NINL: variants seen among roughly 807,000 people sequenced by gnomAD.
NINL encodes the protein ninein like, also known as ninein-like protein.
A neutral mutation model predicts 160.3 loss-of-function variants in NINL; 153 were observed. The observed-to-expected ratio is 0.95, with a 90% CI of 0.84 to 1.09. NINL has a LOEUF of 1.09. Among genes scored for constraint, NINL ranks in the 50% least tolerant of loss-of-function variants. NINL has a pLI of 0.00. For missense variants in NINL, 1,829 were observed against 1,764.0 expected (o/e 1.04, Z -0.66); for synonymous variants, 800 against 734.8 (o/e 1.09, Z -1.43).
intron 12 of NINL, 42 bp downstream of exon 12, chr20:25,489,833 G>C: frequency 6.4e-7 from 1 of 1,557,500 alleles, no homozygotes; most frequent in Non-Finnish European, 8.9e-7. Context: ...CTGCCCAGCA[G>C]GCCCTCCCCT....
At chr20:25,455,603 G>T in intron 23 of NINL, 70 bp downstream of exon 23, 3 of 1,105,044 alleles carry the variant, frequency 2.7e-6, no homozygotes, top group Non-Finnish European at 4.1e-6. Flanking sequence ...TTAGCTACCT[G>T]CACACCCATA....
intron 7 of NINL, among the ~76,000 whole-genome samples, chr20:25,502,975 C>T (rs937970425): frequency 3.3e-5 from 5 of 152,232 alleles, no homozygotes; most frequent in African/African-American, 1.2e-4. Context: ...AGAAACATTG[C>T]CCTCACCATT....
At chr20:25,529,640 C>G (rs537863227) in intron 1 of NINL, among the ~76,000 whole-genome samples, 41 of 152,162 alleles carry the variant, frequency 2.7e-4, no homozygotes, top group African/African-American at 8.4e-4. Flanking sequence ...GGAAAGCAAA[C>G]TAAGCCTGGG....
At chr20:25,558,838 A>G (rs985259278) in intron 1 of NINL, among the ~76,000 whole-genome samples, 10 of 152,344 alleles carry the variant, frequency 6.6e-5, no homozygotes, top group Non-Finnish European at 8.8e-5. Flanking sequence ...CAGAGCAGTA[A>G]AAAGCGGAGA....
Position 25,480,223 on chromosome 20 carries a change from C to T in NINL, c.1855G>A (p.Glu619Lys), listed in dbSNP as rs200438908. 2 of 1,613,966 alleles carry T rather than the reference C, an allele frequency of 1.2e-6. No homozygotes were observed. Among genetic ancestry groups the T allele is most frequent in the Non-Finnish European group, 1.7e-6 (2 of 1,180,034 alleles). ...TCCTTTACCTGCTCCATCATCAGCTCCGTTTCTATACTCACTGGAGCAGAA... is the reference window on the plus strand; with the variant it reads ...TCCTTTACCTGCTCCATCATCAGCTTCGTTTCTATACTCACTGGAGCAGAA... ...GNSAPVSIET[E>K]LMMEQVKEHY... The change falls in exon 15 of 24, where the codon GAG becomes AAG. Residue 619 changes from glutamate to lysine, a missense_variant. Transcript: ENST00000278886.
chr20:25,513,981 T>A (rs1459975508), intron 3 of NINL, among the ~76,000 whole-genome samples: 3 of 151,990 alleles, frequency 2.0e-5, no homozygotes, highest in East Asian at 1.9e-4. Context: ...GCACCAGGAG[T>A]GGAGCATTGC....
chr20:25,499,310 C>T (rs2063821707), intron 8 of NINL: 1 of 869,252 alleles, frequency 1.2e-6, no homozygotes, highest in Admixed American at 6.2e-5. Flanking sequence ...GTCAGAAATG[C>T]TGACTGAGTT....
chr20:25,570,254 C>A (rs912877121), intron 1 of NINL, among the ~76,000 whole-genome samples: 1 of 152,074 alleles, frequency 6.6e-6, no homozygotes, highest in Non-Finnish European at 1.5e-5. Context: ...TGTGTCCTTG[C>A]CCAAACCTCA....
At position 25,452,881 on chromosome 20, in the gene NINL, T is replaced by C. The variant is rs2090567461; in HGVS notation, c.*570A>G. The stretch of plus-strand genomic sequence containing the variant: ...TTTCAATGGGAAAAAGATTGTGCAT[T>C]TGCAATAAACACCATCATTCCTGAG... On this transcript the variant is annotated 3_prime_UTR_variant, in exon 24 of 24. Transcript: ENST00000278886. 6.6e-6 allele frequency: 1 copy of C among 152,522 alleles called. No homozygotes were observed. Among genetic ancestry groups the C allele is most frequent in the Non-Finnish European group, 1.5e-5 (1 of 68,016 alleles). 9.4% of individuals were successfully genotyped at this position (152,522 alleles called of 1,614,324 possible). A position where few individuals can be genotyped will look rare whatever the true frequency, so the allele number is the denominator to read the frequency against.
At chr20:25,550,932 G>A (rs923100502) in intron 1 of NINL, among the ~76,000 whole-genome samples, 3 of 152,092 alleles carry the variant, frequency 2.0e-5, no homozygotes, top group Non-Finnish European at 2.9e-5. Flanking sequence ...GCTGGGGGAC[G>A]GTAAGGTCTT....
chr20:25,515,678 T>A (rs1365730733), intron 3 of NINL, among the ~76,000 whole-genome samples: 1 of 152,178 alleles, frequency 6.6e-6, no homozygotes, highest in African/African-American at 2.4e-5. Context: ...AGGAGGTGAT[T>A]GAATCATGGA....
chr20:25,524,904 A>AATATATATATATATAT lies in NINL; in HGVS notation c.180+1488_180+1503dup, dbSNP rs35820142. 3.4e-5 allele frequency among the ~76,000 whole-genome samples: 5 copies of AATATATATATATATAT among 145,448 alleles called. No individual in the cohort carries two copies. The South Asian group carries it at 1.1e-3, about 31-fold the overall frequency. On this transcript the variant is annotated intron_variant, in intron 2 of 23. Transcript: ENST00000278886. The stretch of plus-strand genomic sequence containing the variant: ...TCAGCAAGAGACAGACTCAAATTAA[A>AATATATATATATATAT]ATATATATATATATATATATGTGTG...
chr20:25,535,279 TG>T (rs2064536805), intron 1 of NINL, among the ~76,000 whole-genome samples: 1 of 152,028 alleles, frequency 6.6e-6, no homozygotes, highest in Non-Finnish European at 1.5e-5. Context: ...GTTGTGGAGT[TG>T]TTGGGTAGGG....
At chr20:25,545,903 T>C (rs1015367647) in intron 1 of NINL, among the ~76,000 whole-genome samples, 2 of 152,200 alleles carry the variant, frequency 1.3e-5, no homozygotes, top group Non-Finnish European at 2.9e-5. Flanking sequence ...GGATTCTCTC[T>C]GAAGCCTGCT....
At chr20:25,513,071 C>T in intron 3 of NINL, 65 bp from the exon 4 acceptor site, 1 of 1,510,646 alleles carries the variant, frequency 6.6e-7, no homozygotes, top group Non-Finnish European at 9.0e-7. Context: ...TGCAGGCCAG[C>T]AGGTACCCTC....
chr20:25,507,309 G>C (rs920322602), intron 5 of NINL, among the ~76,000 whole-genome samples: 1 of 152,024 alleles, frequency 6.6e-6, no homozygotes, highest in Non-Finnish European at 1.5e-5. Flanking sequence ...GGAGGCACTG[G>C]TGTCTTTAGG....
chr20:25,531,890 C>G (rs2064470804), intron 1 of NINL, among the ~76,000 whole-genome samples: 1 of 152,136 alleles, frequency 6.6e-6, no homozygotes, highest in East Asian at 1.9e-4. Flanking sequence ...CTGGCCTTGG[C>G]TCTCAGCTCT....
intron 18 of NINL, 68 bp from the exon 19 acceptor site, chr20:25,467,526 A>C (rs1404167659): frequency 8.1e-7 from 1 of 1,230,808 alleles, no homozygotes; most frequent in African/African-American, 1.5e-5. Context: ...CCTGGTCAGC[A>C]CCCAGGGTAA....
chr20:25,547,068 A>C (rs758739265), intron 1 of NINL, among the ~76,000 whole-genome samples: 1 of 152,194 alleles, frequency 6.6e-6, no homozygotes, highest in Non-Finnish European at 1.5e-5. Context: ...GTGTATGTTT[A>C]GTCTTGGTCC....
Sources: gnomAD v4.1 joint callset for allele counts (sites outside exome capture counted in the v4.1 genomes callset) on GRCh38, gnomAD v4.1.1 for gene constraint, MANE v1.5 for transcripts, NCBI Gene and HGNC (gene_info 2026-07-23, HGNC 2026-07-21) for gene names.